Variants in GALNT17 observed in about 807,000 individuals in gnomAD.
GALNT17 encodes the protein UDP-GalNAc:polypeptide N-acetylgalactosaminyltransferase-like 3.
A neutral mutation model predicts 63.7 loss-of-function variants in GALNT17; 29 were observed. The observed-to-expected ratio is 0.46, with a 90% CI of 0.34 to 0.62. The LOEUF (loss-of-function observed/expected upper bound fraction) is 0.62. Among genes scored for constraint, GALNT17 ranks in the 20% least tolerant of loss-of-function variants. GALNT17 has a pLI of 0.01. For synonymous variants in GALNT17, 305 were observed against 318.3 expected (o/e 0.96, Z 0.45); for missense variants, 603 against 799.6 (o/e 0.75, Z 2.97).
intron 1 of GALNT17, among the ~76,000 whole-genome samples, chr7:71,144,970 T>C (rs990055577): frequency 3.3e-5 from 5 of 152,120 alleles, no homozygotes; most frequent in Admixed American, 1.3e-4. Context: ...CTTCGTGATT[T>C]GCCCACCTTG....
At chr7:71,531,952 G>A (rs1309458594) in intron 5 of GALNT17, among the ~76,000 whole-genome samples, 1 of 152,188 alleles carries the variant, frequency 6.6e-6, no homozygotes, top group African/African-American at 2.4e-5. Flanking sequence ...CTAGGGCTGG[G>A]GAGCTGAGGA....
chr7:71,310,277 CT>C (rs1791393118), intron 1 of GALNT17, among the ~76,000 whole-genome samples: 1 of 152,222 alleles, frequency 6.6e-6, no homozygotes, highest in Admixed American at 6.5e-5. Context: ...CAGAATGACT[CT>C]GCCAGGGGCT....
intron 1 of GALNT17, among the ~76,000 whole-genome samples, chr7:71,321,123 G>T (rs1791598144): frequency 6.6e-6 from 1 of 152,146 alleles, no homozygotes; most frequent in African/African-American, 2.4e-5. Context: ...GCACACATTT[G>T]ATGCTGACAA....
chr7:71,628,659 G>A (rs967286246), intron 6 of GALNT17, among the ~76,000 whole-genome samples: 3 of 152,136 alleles, frequency 2.0e-5, no homozygotes, highest in Admixed American at 1.3e-4. Flanking sequence ...GGCCAGGTGC[G>A]GTGGCTTATG....
At position 71,509,223 on chromosome 7, in the gene GALNT17, G is replaced by A. The variant is rs766835113; in HGVS notation, c.963-62062G>A. Reference sequence around the variant, plus strand: ...CTTTATTATAAAATAGTCTGTGTTAGATGATTTTCCCCGACAGCCGGCTAA... The same window carrying A: ...CTTTATTATAAAATAGTCTGTGTTAAATGATTTTCCCCGACAGCCGGCTAA... On this transcript the variant is annotated intron_variant, in intron 5 of 10. Coordinates refer to ENST00000333538, the MANE Select transcript of GALNT17 (RefSeq NM_022479.3). 3.3e-5 allele frequency among the ~76,000 whole-genome samples: 5 copies of A among 152,216 alleles called. 1 individual carries two copies. Among genetic ancestry groups the A allele is most frequent in the Non-Finnish European group, 7.3e-5 (5 of 68,042 alleles).
intron 6 of GALNT17, among the ~76,000 whole-genome samples, chr7:71,662,508 C>T (rs1790924122): frequency 6.6e-6 from 1 of 152,108 alleles, no homozygotes; most frequent in Non-Finnish European, 1.5e-5. Context: ...TTTCATCACC[C>T]TAAAAAGAAC....
chr7:71,362,487 G>A (rs1301202043), intron 2 of GALNT17, among the ~76,000 whole-genome samples: 3 of 152,158 alleles, frequency 2.0e-5, no homozygotes, highest in African/African-American at 7.2e-5. Flanking sequence ...GAAGATTAAA[G>A]CTGGTGATTT....
Position 71,335,581 on chromosome 7 carries a change from T to G in GALNT17, c.270T>G (p.Gly90=). 4 of 1,609,092 alleles carry G rather than the reference T, an allele frequency of 2.5e-6. No individual in the cohort carries two copies. The highest frequency in any genetic ancestry group is 3.4e-6 in the Non-Finnish European group (4 of 1,177,990). The change falls in exon 2 of 11, where the codon GGT becomes GGG. Residue 90 remains glycine (G), a synonymous_variant. Coordinates refer to ENST00000333538, the MANE Select transcript of GALNT17 (RefSeq NM_022479.3). ...CCAAATCCCTTGGGCTCATTGAAGGTTATGGTGGGCGGGGTAAAGGGGGCC... is the reference window on the plus strand; with the variant it reads ...CCAAATCCCTTGGGCTCATTGAAGGGTATGGTGGGCGGGGTAAAGGGGGCC... ...GLSKSLGLIE[G]YGGRGKGGLP... is the part of the protein sequence containing the mutation.
intron 1 of GALNT17, among the ~76,000 whole-genome samples, chr7:71,308,147 A>G (rs1186147254): frequency 6.6e-6 from 1 of 152,184 alleles, no homozygotes; most frequent in South Asian, 2.1e-4. Flanking sequence ...GAAACAAAGT[A>G]TATAAAGACC....
At chr7:71,608,303 A>G (rs1790075486) in intron 6 of GALNT17, among the ~76,000 whole-genome samples, 1 of 152,030 alleles carries the variant, frequency 6.6e-6, no homozygotes, top group Non-Finnish European at 1.5e-5. Context: ...GGAGTGATGG[A>G]TACTGTTTCC....
At chr7:71,607,044 C>T (rs1427978757) in intron 6 of GALNT17, among the ~76,000 whole-genome samples, 2 of 152,108 alleles carry the variant, frequency 1.3e-5, no homozygotes, top group African/African-American at 4.8e-5. Context: ...TGTTGGCTCA[C>T]ACCTGTAATC....
At position 71,701,328 on chromosome 7, in the gene GALNT17, A is replaced by G. The variant is rs140540388; in HGVS notation, c.1501-9433A>G. ...CTGGTGAAACCTTGTCTCTACTAAAAGTATAAAAATTAGCTGGGCATGGTG... is the reference window on the plus strand; with the variant it reads ...CTGGTGAAACCTTGTCTCTACTAAAGGTATAAAAATTAGCTGGGCATGGTG... On this transcript the variant is annotated intron_variant, in intron 9 of 10. Coordinates refer to ENST00000333538, the MANE Select transcript of GALNT17 (RefSeq NM_022479.3). Among the ~76,000 whole-genome samples, 859 of 152,120 alleles carry G rather than the reference A, an allele frequency of 5.6e-3. 7 individuals carry two copies. Among genetic ancestry groups the G allele is most frequent in the African/African-American group, 0.018 (764 of 41,512 alleles).
At chr7:71,454,665 C>T (rs1158381315) in intron 5 of GALNT17, among the ~76,000 whole-genome samples, 2 of 152,086 alleles carry the variant, frequency 1.3e-5, no homozygotes, top group South Asian at 2.1e-4. Flanking sequence ...TAGGAGGAGT[C>T]ATAAATATTT....
chr7:71,310,283 G>A (rs1791393255), intron 1 of GALNT17, among the ~76,000 whole-genome samples: 2 of 152,200 alleles, frequency 1.3e-5, no homozygotes, highest in African/African-American at 4.8e-5. Flanking sequence ...GACTCTGCCA[G>A]GGGCTGAGAC....
intron 1 of GALNT17, among the ~76,000 whole-genome samples, chr7:71,328,855 T>C (rs73700699): frequency 0.036 from 5,482 of 152,106 alleles, 157 homozygotes; most frequent in East Asian, 0.1. Flanking sequence ...ATTGGGACCA[T>C]CATTCCCTGT....
chr7:71,302,071 A>G (rs1433352542), intron 1 of GALNT17, among the ~76,000 whole-genome samples: 1 of 152,206 alleles, frequency 6.6e-6, no homozygotes, highest in Non-Finnish European at 1.5e-5. Context: ...GCTGGGAGCC[A>G]TTATCCTCAC....
intron 6 of GALNT17, among the ~76,000 whole-genome samples, chr7:71,591,522 A>AGCTT (rs1389734141): frequency 6.6e-6 from 1 of 152,156 alleles, no homozygotes; most frequent in African/African-American, 2.4e-5. Context: ...ACATTTTCAG[A>AGCTT]GCTTCCACAG....
intron 5 of GALNT17, among the ~76,000 whole-genome samples, chr7:71,497,919 T>A (rs1788121979): frequency 6.6e-6 from 1 of 152,154 alleles, no homozygotes; most frequent in South Asian, 2.1e-4. Context: ...TATTATTCCA[T>A]GAAAAGGGCA....
At chr7:71,498,350 G>T (rs994907987) in intron 5 of GALNT17, among the ~76,000 whole-genome samples, 1 of 151,966 alleles carries the variant, frequency 6.6e-6, no homozygotes, top group Non-Finnish European at 1.5e-5. Flanking sequence ...GGCGGTTCAC[G>T]TCTGTAATCC....
Sources: gnomAD v4.1 joint callset for allele counts (sites outside exome capture counted in the v4.1 genomes callset) on GRCh38, gnomAD v4.1.1 for gene constraint, MANE v1.5 for transcripts, NCBI Gene and HGNC (gene_info 2026-07-23, HGNC 2026-07-21) for gene names.